Variants in ABCB5 observed in about 807,000 individuals in gnomAD.
ABCB5 encodes ATP binding cassette subfamily B member 5.
Under a neutral mutation model 144.2 loss-of-function variants are expected in ABCB5, and 155 were observed. The ratio of observed to expected loss-of-function variants is 1.08; its 90% confidence interval spans 0.94 to 1.23. The LOEUF (loss-of-function observed/expected upper bound fraction) is 1.23. Among genes scored for constraint, ABCB5 ranks in the 50% most tolerant of loss-of-function variants. The pLI is 0.00. For synonymous variants in ABCB5, 610 were observed against 528.6 expected (o/e 1.15, Z -2.11); for missense variants, 1,830 against 1,520.8 (o/e 1.20, Z -3.38).
intron 1 of ABCB5, among the ~76,000 whole-genome samples, chr7:20,620,621 T>G (rs1783788380): frequency 1.3e-5 from 2 of 151,236 alleles, no homozygotes; most frequent in South Asian, 2.1e-4. Flanking sequence ...GATATACAAA[T>G]GAGCAGTAAG....
At chr7:20,628,616 T>A in intron 3 of ABCB5, 72 bp from the exon 4 acceptor site, 3 of 1,464,874 alleles carry the variant, frequency 2.0e-6, no homozygotes, top group South Asian at 1.3e-5. Flanking sequence ...TAGGCTGTTG[T>A]GTGTGTGTGT....
chr7:20,672,056 G>A (rs1415622151), intron 14 of ABCB5, among the ~76,000 whole-genome samples: 1 of 152,130 alleles, frequency 6.6e-6, no homozygotes, highest in African/African-American at 2.4e-5. Flanking sequence ...TTATCCTGAT[G>A]ACTGATGATG....
chr7:20,710,510 T>C lies in ABCB5; in HGVS notation c.2421+5703T>C, dbSNP rs138012876. Among the ~76,000 whole-genome samples, 143 of 147,892 alleles carry C rather than the reference T, an allele frequency of 9.7e-4. 7 individuals are homozygous for C. The highest frequency in any genetic ancestry group is 1.8e-3 in the Non-Finnish European group (119 of 66,898). On this transcript the variant is annotated intron_variant, in intron 20 of 27. Coordinates refer to ENST00000404938, the MANE Select transcript of ABCB5 (RefSeq NM_001163941.2). ...GATTTTTTCCTAACCATTAAAAAAA[T>C]ATAAAAAACATTCTTATCTTATGGA... is the stretch of plus-strand genomic sequence containing the variant.
chr7:20,647,441 C>G, intron 9 of ABCB5, 94 bp from the exon 10 acceptor site: 1 of 1,421,490 alleles, frequency 7.0e-7, no homozygotes, highest in Non-Finnish European at 9.2e-7. Context: ...TCTAATATCT[C>G]TCTGTGAGCC....
At chr7:20,651,936 A>G (rs1784609520) in intron 13 of ABCB5, among the ~76,000 whole-genome samples, 1 of 152,190 alleles carries the variant, frequency 6.6e-6, no homozygotes, top group Non-Finnish European at 1.5e-5. Context: ...GGGAAGCCAA[A>G]AAATTGGACA....
At chr7:20,658,443 C>T in intron 13 of ABCB5, 63 bp from the exon 14 acceptor site, 1 of 1,520,010 alleles carries the variant, frequency 6.6e-7, no homozygotes, top group East Asian at 2.3e-5. Flanking sequence ...ATTGTCATTT[C>T]CTGTTCTAAC....
intron 20 of ABCB5, among the ~76,000 whole-genome samples, chr7:20,715,875 A>C (rs965431185): frequency 1.3e-5 from 2 of 151,780 alleles, no homozygotes; most frequent in Non-Finnish European, 2.9e-5. Flanking sequence ...GCCCACCACC[A>C]CGCCCAGCTA....
At chr7:20,753,067 T>A (rs530476180) in intron 26 of ABCB5, among the ~76,000 whole-genome samples, 3 of 152,248 alleles carry the variant, frequency 2.0e-5, no homozygotes, top group Non-Finnish European at 4.4e-5. Flanking sequence ...ACTGTGAACT[T>A]GTTTCTTGCC....
chr7:20,653,448 A>G (rs1784669755), intron 13 of ABCB5, among the ~76,000 whole-genome samples: 1 of 152,250 alleles, frequency 6.6e-6, no homozygotes, highest in Non-Finnish European at 1.5e-5. Flanking sequence ...TATAATATAC[A>G]CAGATTTTAA....
intron 19 of ABCB5, among the ~76,000 whole-genome samples, chr7:20,700,981 G>A (rs79119315): frequency 6.6e-6 from 1 of 152,262 alleles, no homozygotes; most frequent in South Asian, 2.1e-4. Flanking sequence ...GAAGGCTGCC[G>A]TGCAACAGCT....
chr7:20,624,725 G>C (rs1449785551), intron 2 of ABCB5, among the ~76,000 whole-genome samples: 2 of 152,152 alleles, frequency 1.3e-5, no homozygotes, highest in African/African-American at 2.4e-5. Flanking sequence ...GCTGATTTGC[G>C]CTAATGAAAG....
intron 3 of ABCB5, 99 bp from the exon 4 acceptor site, chr7:20,628,589 C>G: frequency 8.2e-7 from 1 of 1,225,404 alleles, no homozygotes; most frequent in Non-Finnish European, 1.1e-6. Flanking sequence ...GTCATGTTTA[C>G]TAGGTGGCAA....
intron 19 of ABCB5, among the ~76,000 whole-genome samples, chr7:20,700,694 G>C (rs575584892): frequency 1.3e-5 from 2 of 152,284 alleles, no homozygotes; most frequent in South Asian, 4.1e-4. Context: ...GGTGGATCAA[G>C]TAGTAATCTT....
At chr7:20,738,923 G>A in intron 23 of ABCB5, 60 bp from the exon 24 acceptor site, 1 of 1,487,784 alleles carries the variant, frequency 6.7e-7, no homozygotes. Context: ...TACTTTTAGA[G>A]TTCTACTGTT....
chr7:20,647,695 A>G, intron 10 of ABCB5, 47 bp downstream of exon 10: 1 of 1,533,912 alleles, frequency 6.5e-7, no homozygotes, highest in Non-Finnish European at 8.7e-7. Context: ...TACTGCAAGA[A>G]GGAGACAAAA....
At chr7:20,717,402 CTG>C (rs1356183591) in intron 20 of ABCB5, among the ~76,000 whole-genome samples, 1 of 150,682 alleles carries the variant, frequency 6.6e-6, no homozygotes, top group Admixed American at 6.6e-5. Flanking sequence ...AGGATCTTCT[CTG>C]TGTATGCAGT....
chr7:20,705,985 A>C (rs543998033), intron 20 of ABCB5, among the ~76,000 whole-genome samples: 1 of 152,152 alleles, frequency 6.6e-6, no homozygotes, highest in East Asian at 1.9e-4. Context: ...GGGCATCTTC[A>C]TCTCTTCCTG....
chr7:20,743,355 C>G (rs1782621273), intron 25 of ABCB5, among the ~76,000 whole-genome samples: 1 of 152,074 alleles, frequency 6.6e-6, no homozygotes. Flanking sequence ...AACATGGGTG[C>G]TGGAGATCTG....
chr7:20,693,162 A>G (rs1304090840), intron 16 of ABCB5, among the ~76,000 whole-genome samples: 2 of 152,094 alleles, frequency 1.3e-5, no homozygotes, highest in Admixed American at 6.6e-5. Flanking sequence ...AATTCACATA[A>G]TACCAGCCTG....
Sources: gnomAD v4.1 joint callset for allele counts (sites outside exome capture counted in the v4.1 genomes callset) on GRCh38, gnomAD v4.1.1 for gene constraint, MANE v1.5 for transcripts, NCBI Gene and HGNC (gene_info 2026-07-23, HGNC 2026-07-21) for gene names.